NUP93: variants seen among roughly 807,000 people sequenced by gnomAD.
The protein encoded by NUP93 is nucleoporin 93.
A neutral mutation model predicts 107.8 loss-of-function variants in NUP93; 55 were observed. The observed-to-expected ratio is 0.51, with a 90% CI of 0.41 to 0.64. The LOEUF is 0.64. NUP93 is among the 30% of genes least tolerant of loss of function. The pLI, the probability that NUP93 is intolerant of heterozygous loss-of-function variation, is 0.00. For synonymous variants in NUP93, 390 were observed against 397.5 expected (o/e 0.98, Z 0.22); for missense variants, 937 against 1,044.7 (o/e 0.90, Z 1.42).
At position 56,847,886 on chromosome 16, in the gene NUP93, T is replaced by C. The variant is rs545440969; in HGVS notation, c.*3277T>C. The C allele has an allele frequency of 1.3e-5, 2 of 152,308 alleles. No homozygotes were observed. The highest frequency in any genetic ancestry group is 2.1e-4 in the South Asian group (1 of 4,822). The allele number at this position is 152,308 out of a possible 1,614,324, so 9.4% of individuals were successfully genotyped here. On this transcript the variant is annotated 3_prime_UTR_variant, in exon 22 of 22. Transcript: ENST00000308159. Reference sequence around the variant, plus strand: ...GCAGCCACTGTTAACTCTTGATGCATCATTTAAATCCTAGAACAGGCAGCT... The same window carrying C: ...GCAGCCACTGTTAACTCTTGATGCACCATTTAAATCCTAGAACAGGCAGCT...
intron 8 of NUP93, among the ~76,000 whole-genome samples, chr16:56,827,306 A>T (rs1315956521): frequency 6.6e-6 from 1 of 152,134 alleles, no homozygotes; most frequent in Non-Finnish European, 1.5e-5. Context: ...GAAGCATGCT[A>T]GCAAATAAAT....
chr16:56,824,217 C>A (rs1479182193), intron 8 of NUP93, among the ~76,000 whole-genome samples: 1 of 152,182 alleles, frequency 6.6e-6, no homozygotes, highest in Non-Finnish European at 1.5e-5. Context: ...TTTAATTTTA[C>A]TCCCAGGCAT....
rs543052045 is a variant in NUP93 at position 56,756,596 on chromosome 16, G to A, written c.180-1942G>A. 2.0e-3 allele frequency among the ~76,000 whole-genome samples: 306 copies of A among 152,184 alleles called. 1 individual carries two copies. The highest frequency in any genetic ancestry group is 7.0e-3 in the African/African-American group (289 of 41,522). On this transcript the variant is annotated intron_variant, in intron 2 of 21. Coordinates refer to ENST00000308159, the MANE Select transcript of NUP93 (RefSeq NM_014669.5). ...CTTTGCTATTGTAAATAGTGCTGCA[G>A]TAAACATACATGTGCATGTGTCTTT...
chr16:56,760,675 G>A (rs371723791), intron 3 of NUP93, among the ~76,000 whole-genome samples: 2 of 152,122 alleles, frequency 1.3e-5, no homozygotes, highest in East Asian at 3.9e-4. Flanking sequence ...TGAGAAATCT[G>A]CTCTCATGAT....
At chr16:56,731,469 G>A (rs1024286931) in intron 1 of NUP93, among the ~76,000 whole-genome samples, 4 of 149,980 alleles carry the variant, frequency 2.7e-5, no homozygotes, top group African/African-American at 7.4e-5. Context: ...GTGCGATCTC[G>A]TGTCATCGTG....
intron 3 of NUP93, among the ~76,000 whole-genome samples, chr16:56,779,914 T>C (rs2144517173): frequency 6.6e-6 from 1 of 152,314 alleles, no homozygotes; most frequent in Admixed American, 6.5e-5. Context: ...AGTTTGACTT[T>C]AACCACACTT....
At chr16:56,768,696 C>T (rs1321038145) in intron 3 of NUP93, among the ~76,000 whole-genome samples, 1 of 148,548 alleles carries the variant, frequency 6.7e-6, no homozygotes, top group Non-Finnish European at 1.5e-5. Flanking sequence ...GAAACCCTGT[C>T]TCTACTAAAA....
chr16:56,778,314 T>C (rs1962453006), intron 3 of NUP93, among the ~76,000 whole-genome samples: 1 of 152,146 alleles, frequency 6.6e-6, no homozygotes, highest in South Asian at 2.1e-4. Context: ...AGTTATGTGC[T>C]AAGAAGTAAA....
At chr16:56,822,596 T>C (rs1246724281) in intron 7 of NUP93, among the ~76,000 whole-genome samples, 1 of 148,778 alleles carries the variant, frequency 6.7e-6, no homozygotes, top group Non-Finnish European at 1.5e-5. Context: ...GTTTCACTGT[T>C]GTTGCCCAGG....
chr16:56,742,187 C>T (rs1189587565), intron 1 of NUP93, among the ~76,000 whole-genome samples: 1 of 152,230 alleles, frequency 6.6e-6, no homozygotes, highest in Non-Finnish European at 1.5e-5. Flanking sequence ...CCCAAATATG[C>T]TCTCCAAATG....
intron 1 of NUP93, among the ~76,000 whole-genome samples, chr16:56,732,754 A>G (rs370568876): frequency 1.3e-5 from 2 of 152,340 alleles, no homozygotes; most frequent in African/African-American, 4.8e-5. Context: ...TTTAAAGAAT[A>G]TGGAGTTAGA....
intron 3 of NUP93, among the ~76,000 whole-genome samples, chr16:56,786,196 A>G (rs1187182949): frequency 6.6e-6 from 1 of 152,204 alleles, no homozygotes; most frequent in Admixed American, 6.5e-5. Flanking sequence ...CAATAGTCAT[A>G]GTGGTAATGA....
chr16:56,822,230 A>T (rs771001286), intron 7 of NUP93, among the ~76,000 whole-genome samples: 5 of 151,920 alleles, frequency 3.3e-5, no homozygotes, highest in Non-Finnish European at 5.9e-5. Context: ...AAAATTGCTC[A>T]GCCCGTTGTG....
intron 3 of NUP93, among the ~76,000 whole-genome samples, chr16:56,780,453 T>G (rs1423428893): frequency 6.6e-6 from 1 of 152,222 alleles, no homozygotes; most frequent in Non-Finnish European, 1.5e-5. Flanking sequence ...GACACCAGTG[T>G]GTTCCTATGT....
chr16:56,757,552 G>A (rs1216829773), intron 2 of NUP93, among the ~76,000 whole-genome samples: 1 of 152,170 alleles, frequency 6.6e-6, no homozygotes, highest in Non-Finnish European at 1.5e-5. Context: ...TTTACAGAGA[G>A]TGTTCTAGAT....
intron 9 of NUP93, 27 bp from the exon 10 acceptor site, chr16:56,830,501 T>A (rs1174932183): frequency 6.5e-7 from 1 of 1,534,686 alleles, no homozygotes; most frequent in Non-Finnish European, 8.8e-7. Context: ...CTTGTTTATT[T>A]TGAGCACTTA....
rs1464811475 is a variant in NUP93 at position 56,730,211 on chromosome 16, G to GGTAA, written c.-15+2_-15+5dup. On this transcript the variant is annotated splice_region_variant and 5_prime_UTR_variant. Transcript: ENST00000308159. ...AGCGGCGGAGACGGCTGTAGCACAA[G>GGTAA]GTAAGGGTGTGTCTGGTCGCGTCCT... 1.2e-4 allele frequency: 19 copies of GGTAA among 152,454 alleles called. No individual in the cohort carries two copies. The highest frequency in any genetic ancestry group is 4.6e-4 in the African/African-American group (19 of 41,586). The allele number at this position is 152,454 out of a possible 1,614,324, so 9.4% of individuals were successfully genotyped here. A position where few individuals can be genotyped will look rare whatever the true frequency, so the allele number is the denominator to read the frequency against.
chr16:56,742,571 C>T (rs577924824), intron 1 of NUP93, among the ~76,000 whole-genome samples: 20 of 152,322 alleles, frequency 1.3e-4, no homozygotes, highest in Middle Eastern at 6.8e-3. Context: ...TGCTACAGAG[C>T]CTGGCCTACA....
chr16:56,749,141 C>T (rs1330503948), intron 2 of NUP93, among the ~76,000 whole-genome samples: 4 of 152,176 alleles, frequency 2.6e-5, no homozygotes, highest in African/African-American at 4.8e-5. Flanking sequence ...GGGGTGACAG[C>T]CATGAATTAG....
Sources: gnomAD v4.1 joint callset for allele counts (sites outside exome capture counted in the v4.1 genomes callset) on GRCh38, gnomAD v4.1.1 for gene constraint, MANE v1.5 for transcripts, NCBI Gene and HGNC (gene_info 2026-07-23, HGNC 2026-07-21) for gene names.